Variants in STX7 observed in about 807,000 individuals in gnomAD.
STX7 encodes syntaxin 7.
Under a neutral mutation model 39.6 loss-of-function variants are expected in STX7, and 34 were observed. The ratio of observed to expected loss-of-function variants is 0.86; its 90% CI spans 0.65 to 1.14. The LOEUF (loss-of-function observed/expected upper bound fraction) is 1.14, where lower values mean the gene tolerates loss of function less well. STX7 is among the 50% of genes most tolerant of loss of function. The pLI is 0.00. For missense variants in STX7, 284 were observed against 310.4 expected, an observed-to-expected ratio of 0.92 and a Z score of 0.64; for synonymous variants, 119 against 99.1, an observed-to-expected ratio of 1.20 and a Z score of -1.19.
chr6:132,465,929 G>T (rs1461953205), intron 8 of STX7, among the ~76,000 whole-genome samples: 1 of 151,956 alleles, frequency 6.6e-6, no homozygotes, highest in East Asian at 1.9e-4. Context: ...TCTTTCCCTG[G>T]TAGATCACCT....
chr6:132,501,935 A>C (rs932733106), intron 2 of STX7, among the ~76,000 whole-genome samples: 2 of 151,718 alleles, frequency 1.3e-5, no homozygotes, highest in Non-Finnish European at 2.9e-5. Context: ...AACAGATCTG[A>C]TGCCAGAGGA....
chr6:132,510,372 G>A (rs556880404), intron 1 of STX7, among the ~76,000 whole-genome samples: 2 of 152,056 alleles, frequency 1.3e-5, no homozygotes, highest in East Asian at 1.9e-4. Context: ...ATTATCTGTC[G>A]ATTAAAATAA....
intron 2 of STX7, among the ~76,000 whole-genome samples, chr6:132,500,715 G>T (rs918590711): frequency 6.6e-6 from 1 of 152,154 alleles, no homozygotes; most frequent in Non-Finnish European, 1.5e-5. Flanking sequence ...AAAATTATTT[G>T]TTGAATGAAT....
At chr6:132,493,716 T>C (rs1775352479) in intron 2 of STX7, among the ~76,000 whole-genome samples, 6 of 152,352 alleles carry the variant, frequency 3.9e-5, no homozygotes, top group South Asian at 2.1e-4. Flanking sequence ...AATAAAAACA[T>C]TGTTCAGTAA....
At chr6:132,462,621 G>GTGTGTGTGTT (rs1491098854) in intron 9 of STX7, among the ~76,000 whole-genome samples, 1 of 140,122 alleles carries the variant, frequency 7.1e-6, no homozygotes, top group Admixed American at 7.4e-5. Flanking sequence ...GTGTGTGTGT[G>GTGTGTGTGTT]TTTTCAATTA....
chr6:132,477,499 C>T (rs1000777303), intron 2 of STX7, among the ~76,000 whole-genome samples: 1 of 152,042 alleles, frequency 6.6e-6, no homozygotes, highest in African/African-American at 2.4e-5. Flanking sequence ...AAGAACCCTA[C>T]CTCCCAGCAT....
rs1325754300 is a variant in STX7 at position 132,459,381 on chromosome 6, C to T, written c.*1377G>A. On this transcript the variant is annotated 3_prime_UTR_variant, in exon 10 of 10. Transcript: ENST00000367941. ...AAAAACCTGGAGTGAACTGGTGCTC[C>T]AGAAAGATGCTGAATGGCCACAGTG... The T allele has an allele frequency of 1.3e-5, 2 of 152,212 alleles. No homozygotes were observed. The highest frequency in any genetic ancestry group is 2.9e-5 in the Non-Finnish European group (2 of 68,050). 9.4% of individuals were successfully genotyped at this position (152,212 alleles called of 1,614,324 possible). A position where few individuals can be genotyped will look rare whatever the true frequency, so the allele number is the denominator to read the frequency against.
intron 7 of STX7, 119 bp downstream of exon 7, chr6:132,469,832 G>T: frequency 1.4e-6 from 1 of 723,932 alleles, no homozygotes; most frequent in Non-Finnish European, 2.2e-6. Context: ...GAGGGAGACT[G>T]TCTCAAAAAG....
At chr6:132,508,441 T>C (rs1422804567) in intron 1 of STX7, among the ~76,000 whole-genome samples, 1 of 152,234 alleles carries the variant, frequency 6.6e-6, no homozygotes, top group East Asian at 1.9e-4. Context: ...GGTGAGACAA[T>C]TGGCAAGTGG....
At chr6:132,465,411 G>T (rs1444280499) in intron 8 of STX7, among the ~76,000 whole-genome samples, 1 of 151,970 alleles carries the variant, frequency 6.6e-6, no homozygotes, top group Non-Finnish European at 1.5e-5. Context: ...CCTTACCCTA[G>T]CCTTAGAGTC....
At position 132,504,502 on chromosome 6, in the gene STX7, G is replaced by T. The variant is rs1473462290; in HGVS notation, c.-58-914C>A. ...TGCATACAGAACTGCGCACAGCAAA[G>T]AATTTCAACTACCGCCACCCCATCT... On this transcript the variant is annotated intron_variant, in intron 1 of 9. Transcript: ENST00000367941. 2.6e-5 allele frequency among the ~76,000 whole-genome samples: 4 copies of T among 152,194 alleles called. No homozygotes were observed. The South Asian group carries it at 6.2e-4, about 24-fold the overall frequency.
In STX7 at chr6:132,452,520, G is replaced by A. The variant is rs1173771197; in HGVS notation, c.*8238C>T. 1.3e-5 allele frequency: 2 copies of A among 151,860 alleles called. No homozygotes were observed. The highest frequency in any genetic ancestry group is 2.9e-5 in the Non-Finnish European group (2 of 67,896). 9.4% of individuals were successfully genotyped at this position (151,860 alleles called of 1,614,324 possible). ...AATCAATCAAAATCCCCTAAAATGA[G>A]TAAGTGGGCTCAATAAGGTCTCAGT... On this transcript the variant is annotated 3_prime_UTR_variant, in exon 10 of 10. Coordinates refer to ENST00000367941, the MANE Select transcript of STX7 (RefSeq NM_003569.3).
intron 2 of STX7, among the ~76,000 whole-genome samples, chr6:132,494,827 TAC>T (rs1775383354): frequency 6.6e-6 from 1 of 152,222 alleles, no homozygotes; most frequent in Admixed American, 6.5e-5. Context: ...TGATCTGATT[TAC>T]AGTTTTACAG....
chr6:132,462,546 T>C (rs758894708), intron 9 of STX7, among the ~76,000 whole-genome samples: 6 of 151,832 alleles, frequency 4.0e-5, no homozygotes, highest in Non-Finnish European at 5.9e-5. Context: ...AGCAGTTATA[T>C]GCTAACAGCT....
rs74988933 is a variant in STX7 at position 132,500,244 on chromosome 6, C to A, written c.85+3202G>T. 5.1e-3 allele frequency among the ~76,000 whole-genome samples: 778 copies of A among 152,108 alleles called. 11 individuals are homozygous for A. The highest frequency in any genetic ancestry group is 0.018 in the African/African-American group (736 of 41,474). Reference sequence around the variant, plus strand: ...TCTGCTTAAATGCCTCCAGTGATTTCCACTGCCTCTTAAAATGAAATCTAA... The same window carrying A: ...TCTGCTTAAATGCCTCCAGTGATTTACACTGCCTCTTAAAATGAAATCTAA... On this transcript the variant is annotated intron_variant, in intron 2 of 9. Coordinates refer to ENST00000367941, the MANE Select transcript of STX7 (RefSeq NM_003569.3).
chr6:132,507,158 G>A (rs1775723836), intron 1 of STX7, among the ~76,000 whole-genome samples: 1 of 152,166 alleles, frequency 6.6e-6, no homozygotes. Context: ...AAGGATGGGA[G>A]GGTGAGGGAT....
At chr6:132,506,671 C>T (rs951556965) in intron 1 of STX7, among the ~76,000 whole-genome samples, 1 of 152,070 alleles carries the variant, frequency 6.6e-6, no homozygotes, top group East Asian at 1.9e-4. Flanking sequence ...GAAACAGGAA[C>T]ACACACACTG....
chr6:132,480,097 T>C (rs920928806), intron 2 of STX7, among the ~76,000 whole-genome samples: 49 of 152,264 alleles, frequency 3.2e-4, no homozygotes, highest in African/African-American at 1.2e-3. Flanking sequence ...ACCCCATGCT[T>C]CTACCAGACT....
rs964102511 is a variant in STX7, at chr6:132,454,892, T to A, written c.*5866A>T. On this transcript the variant is annotated 3_prime_UTR_variant, in exon 10 of 10. Coordinates refer to ENST00000367941, the MANE Select transcript of STX7 (RefSeq NM_003569.3). The stretch of plus-strand genomic sequence containing the variant: ...ATTTTGGTATATACCCACTGCAAAA[T>A]AGTACTTAAATGTTAAAACTATGAT... 1 of 152,180 alleles carries A rather than the reference T, an allele frequency of 6.6e-6. No homozygotes were observed. Among genetic ancestry groups the A allele is most frequent in the African/African-American group, 2.4e-5 (1 of 41,452 alleles). 9.4% of individuals were successfully genotyped at this position (152,180 alleles called of 1,614,324 possible).
Sources: allele counts gnomAD v4.1 joint callset (sites outside exome capture counted in the v4.1 genomes callset), GRCh38; gene constraint gnomAD v4.1.1; transcripts MANE v1.5; gene names NCBI Gene and HGNC (gene_info 2026-07-23, HGNC 2026-07-21).